BACH2: variants seen among roughly 807,000 people sequenced by gnomAD.
BACH2 encodes BACH transcriptional regulator 2, also known as transcription regulator protein BACH2.
A neutral mutation model predicts 61.8 loss-of-function variants in BACH2; 5 were observed. The observed-to-expected ratio is 0.08, with a 90% CI of 0.04 to 0.17. The LOEUF is 0.17. Ranked by LOEUF, BACH2 falls within the 10% of genes least tolerant of loss-of-function variation. BACH2 has a pLI of 1.00. For synonymous variants in BACH2, 446 were observed against 440.1 expected (o/e 1.01, Z -0.17); for missense variants, 824 against 1,091.1 (o/e 0.76, Z 3.45).
At chr6:90,267,803 G>GA (rs1176763768) in intron 2 of BACH2, among the ~76,000 whole-genome samples, 3 of 151,948 alleles carry the variant, frequency 2.0e-5, no homozygotes, top group South Asian at 2.1e-4. Context: ...TTTCATAGCA[G>GA]AAAAAATGTC....
intron 4 of BACH2, among the ~76,000 whole-genome samples, chr6:90,206,092 T>C (rs1035749190): frequency 1.3e-5 from 2 of 152,174 alleles, no homozygotes; most frequent in African/African-American, 4.8e-5. Flanking sequence ...TGTGGACAGG[T>C]ACCATATTAA....
chr6:90,185,072 C>T (rs1161833657), intron 4 of BACH2, among the ~76,000 whole-genome samples: 3 of 152,158 alleles, frequency 2.0e-5, no homozygotes, highest in African/African-American at 4.8e-5. Flanking sequence ...AAAACCCATG[C>T]GTGGCTGCGT....
chr6:89,954,298 CTTTT>C (rs56660189), intron 6 of BACH2, among the ~76,000 whole-genome samples: 1 of 143,358 alleles, frequency 7.0e-6, no homozygotes, highest in Non-Finnish European at 1.5e-5. Flanking sequence ...CACAGTTTTT[CTTTT>C]TTTTTTTATT....
chr6:90,211,471 T>C (rs1000940893), intron 3 of BACH2, among the ~76,000 whole-genome samples: 4 of 152,116 alleles, frequency 2.6e-5, no homozygotes, highest in Admixed American at 6.5e-5. Context: ...CCATCTACCA[T>C]GGAGAGAAGC....
intron 4 of BACH2, among the ~76,000 whole-genome samples, chr6:90,102,175 C>T (rs1782656705): frequency 6.6e-6 from 1 of 151,962 alleles, no homozygotes; most frequent in Admixed American, 6.6e-5. Flanking sequence ...TATTATTTGT[C>T]CCCTTCCTGT....
intron 4 of BACH2, among the ~76,000 whole-genome samples, chr6:90,197,747 T>C (rs1768807482): frequency 6.6e-6 from 1 of 152,138 alleles, no homozygotes; most frequent in Non-Finnish European, 1.5e-5. Flanking sequence ...CAATTAAAAC[T>C]CCTGATGAAG....
rs749603095 is a variant in BACH2 at position 90,023,931 on chromosome 6, A to G, written c.-12-15075T>C. Among the ~76,000 whole-genome samples the G allele has an allele frequency of 3.4e-4, 51 of 152,198 alleles. 1 individual carries two copies. The highest frequency in any genetic ancestry group is 1.9e-4 in the East Asian group (1 of 5,196). Reference sequence around the variant, plus strand: ...CCAGCCTATGGTACTTTGTTATGGCAGCCTGAATTAAGACATATACAAAGG... The same window carrying G: ...CCAGCCTATGGTACTTTGTTATGGCGGCCTGAATTAAGACATATACAAAGG... On this transcript the variant is annotated intron_variant, in intron 5 of 8. Transcript: ENST00000257749.
chr6:90,227,421 G>T (rs1270400675), intron 3 of BACH2, among the ~76,000 whole-genome samples: 5 of 152,162 alleles, frequency 3.3e-5, no homozygotes, highest in Non-Finnish European at 5.9e-5. Context: ...AACGTCATGG[G>T]AAAAATTAGG....
At chr6:90,175,502 T>C (rs561502653) in intron 4 of BACH2, among the ~76,000 whole-genome samples, 2 of 152,304 alleles carry the variant, frequency 1.3e-5, no homozygotes, top group Non-Finnish European at 2.9e-5. Context: ...ACTTCTCATA[T>C]TAAAAACAAC....
intron 7 of BACH2, among the ~76,000 whole-genome samples, chr6:89,948,080 T>C (rs776408122): frequency 4.6e-5 from 7 of 152,134 alleles, no homozygotes; most frequent in African/African-American, 1.2e-4. Flanking sequence ...CCCAAGACTT[T>C]AAGCTCTCTT....
chr6:90,184,671 C>CTT (rs1284552099), intron 4 of BACH2, among the ~76,000 whole-genome samples: 1 of 152,174 alleles, frequency 6.6e-6, no homozygotes, highest in Non-Finnish European at 1.5e-5. Flanking sequence ...AGCCCTAGCC[C>CTT]AGGGGCACAC....
At chr6:90,166,400 A>T (rs1278959564) in intron 4 of BACH2, among the ~76,000 whole-genome samples, 1 of 152,178 alleles carries the variant, frequency 6.6e-6, no homozygotes, top group African/African-American at 2.4e-5. Context: ...AAAAGTCAGG[A>T]AACAACAGGT....
chr6:90,051,880 T>C (rs1268207959), intron 5 of BACH2, among the ~76,000 whole-genome samples: 3 of 152,236 alleles, frequency 2.0e-5, no homozygotes, highest in African/African-American at 7.2e-5. Flanking sequence ...CACAAGTTGA[T>C]ATATCATATT....
intron 3 of BACH2, among the ~76,000 whole-genome samples, chr6:90,207,781 T>C (rs934170575): frequency 2.0e-5 from 3 of 152,214 alleles, no homozygotes; most frequent in Admixed American, 6.5e-5. Flanking sequence ...CTTTAGTTCT[T>C]AGTAATCAGC....
intron 1 of BACH2, among the ~76,000 whole-genome samples, chr6:90,285,066 T>C (rs1173628433): frequency 1.3e-5 from 2 of 152,240 alleles, no homozygotes; most frequent in Non-Finnish European, 2.9e-5. Flanking sequence ...TTTATGATGA[T>C]TGGATCAACT....
At chr6:90,014,257 CTTCT>C (rs1180142686) in intron 5 of BACH2, among the ~76,000 whole-genome samples, 2 of 142,004 alleles carry the variant, frequency 1.4e-5, no homozygotes, top group Admixed American at 7.0e-5. Flanking sequence ...AGTATTTCTT[CTTCT>C]TTAATTTTCT....
chr6:90,281,084 C>T (rs1771844733), intron 1 of BACH2, among the ~76,000 whole-genome samples: 1 of 152,210 alleles, frequency 6.6e-6, no homozygotes, highest in Admixed American at 6.5e-5. Context: ...GCATCCCACA[C>T]ATGGGACATC....
chr6:90,066,683 G>GTA (rs1381741336), intron 5 of BACH2, among the ~76,000 whole-genome samples: 2 of 152,188 alleles, frequency 1.3e-5, no homozygotes, highest in African/African-American at 4.8e-5. Flanking sequence ...TGAGTACAAG[G>GTA]TATTATTAAG....
intron 4 of BACH2, among the ~76,000 whole-genome samples, chr6:90,101,172 T>C (rs1294196043): frequency 1.3e-5 from 2 of 152,224 alleles, no homozygotes; most frequent in Non-Finnish European, 2.9e-5. Flanking sequence ...TTTGTAAGTA[T>C]TTTCTCCCAT....
Sources: allele counts gnomAD v4.1 joint callset (sites outside exome capture counted in the v4.1 genomes callset), GRCh38; gene constraint gnomAD v4.1.1; transcripts MANE v1.5; gene names NCBI Gene and HGNC (gene_info 2026-07-23, HGNC 2026-07-21).